The following PTPRM variants were observed in gnomAD, a reference collection of about 807,000 sequenced individuals.
PTPRM encodes protein tyrosine phosphatase receptor type M.
Under a neutral mutation model 186.7 loss-of-function variants are expected in PTPRM, and 47 were observed. That is an observed-to-expected ratio of 0.25 (90% CI 0.20 to 0.32). The LOEUF (loss-of-function observed/expected upper bound fraction) is 0.32. Ranked by LOEUF, PTPRM falls within the 10% of genes least tolerant of loss-of-function variation. The probability of loss-of-function intolerance (pLI) is 1.00; values close to 1 mark genes in which losing one functional copy is unlikely to be tolerated. For missense variants in PTPRM, 1,494 were observed against 1,865.0 expected, an observed-to-expected ratio of 0.80 and a Z score of 3.66; for synonymous variants, 668 against 674.9, an observed-to-expected ratio of 0.99 and a Z score of 0.16.
chr18:7,898,598 C>T (rs1291265224), intron 3 of PTPRM, among the ~76,000 whole-genome samples: 2 of 152,160 alleles, frequency 1.3e-5, no homozygotes, highest in Non-Finnish European at 1.5e-5. Flanking sequence ...CTGGTTTAAC[C>T]AGTTGTTTCC....
chr18:7,974,011 C>G (rs995776574), intron 7 of PTPRM, among the ~76,000 whole-genome samples: 55 of 150,998 alleles, frequency 3.6e-4, no homozygotes, highest in African/African-American at 1.3e-3. Context: ...GGCTGAGGAG[C>G]CTTCTGGGGA....
intron 2 of PTPRM, among the ~76,000 whole-genome samples, chr18:7,866,752 C>A (rs948852217): frequency 2.6e-5 from 4 of 152,148 alleles, no homozygotes; most frequent in African/African-American, 9.7e-5. Context: ...TGTTAATTTT[C>A]TTTCTAGTTG....
intron 1 of PTPRM, among the ~76,000 whole-genome samples, chr18:7,681,584 T>TCA (rs2039481552): frequency 6.7e-6 from 1 of 150,256 alleles, no homozygotes; most frequent in Non-Finnish European, 1.5e-5. Context: ...GTTAGATTCC[T>TCA]TAAAAAAAAA....
At chr18:8,163,575 C>A (rs766944560) in intron 14 of PTPRM, among the ~76,000 whole-genome samples, 2 of 152,134 alleles carry the variant, frequency 1.3e-5, no homozygotes, top group African/African-American at 4.8e-5. Context: ...ATGTTCTTAT[C>A]CTGTGTACCT....
intron 2 of PTPRM, among the ~76,000 whole-genome samples, chr18:7,812,131 G>A (rs1193231846): frequency 2.0e-5 from 3 of 152,162 alleles, no homozygotes; most frequent in Non-Finnish European, 2.9e-5. Context: ...CTTTATCTCT[G>A]TGATAACAAT....
At chr18:7,634,133 A>T (rs1012861869) in intron 1 of PTPRM, among the ~76,000 whole-genome samples, 1 of 152,068 alleles carries the variant, frequency 6.6e-6, no homozygotes, top group Non-Finnish European at 1.5e-5. Context: ...ACACTCAAGC[A>T]TATGTCCTCC....
intron 1 of PTPRM, among the ~76,000 whole-genome samples, chr18:7,717,784 G>A (rs867924387): frequency 2.4e-4 from 37 of 152,314 alleles, no homozygotes; most frequent in Middle Eastern, 3.4e-3. Flanking sequence ...CATCTAGCTG[G>A]TTCCAGCACC....
intron 1 of PTPRM, among the ~76,000 whole-genome samples, chr18:7,743,786 T>C (rs979444913): frequency 2.0e-5 from 3 of 152,214 alleles, no homozygotes; most frequent in Non-Finnish European, 4.4e-5. Flanking sequence ...TGCTTGTTCC[T>C]TAAACTGTAG....
chr18:8,263,510 G>A (rs1198793197), intron 19 of PTPRM, among the ~76,000 whole-genome samples: 9 of 152,172 alleles, frequency 5.9e-5, no homozygotes, highest in Admixed American at 3.9e-4. Flanking sequence ...CTGACACTGA[G>A]CTCTTAAAAC....
intron 1 of PTPRM, among the ~76,000 whole-genome samples, chr18:7,675,718 T>A (rs879205788): frequency 6.6e-6 from 1 of 150,380 alleles, no homozygotes; most frequent in Non-Finnish European, 1.5e-5. Context: ...GGGAAATTTT[T>A]GTTTGCTTTT....
chr18:8,269,781 G>A (rs2147609290), intron 19 of PTPRM, among the ~76,000 whole-genome samples: 1 of 152,024 alleles, frequency 6.6e-6, no homozygotes, highest in East Asian at 1.9e-4. Context: ...ATACACGATG[G>A]GGAAAGGATA....
At chr18:8,199,437 A>G (rs1174117935) in intron 14 of PTPRM, among the ~76,000 whole-genome samples, 1 of 152,200 alleles carries the variant, frequency 6.6e-6, no homozygotes, top group East Asian at 1.9e-4. Context: ...GCAAAAGGAT[A>G]GTGCGCTGTG....
chr18:8,393,276 T>C (rs767097310), intron 31 of PTPRM, among the ~76,000 whole-genome samples: 50 of 152,304 alleles, frequency 3.3e-4, no homozygotes, highest in Non-Finnish European at 5.4e-4. Flanking sequence ...TGCACGGCCT[T>C]GTTTCCAGTC....
intron 6 of PTPRM, among the ~76,000 whole-genome samples, chr18:7,950,748 AG>A (rs1463372906): frequency 6.6e-6 from 1 of 152,212 alleles, no homozygotes; most frequent in Admixed American, 6.5e-5. Context: ...CCAGTCTGTC[AG>A]TGGTCTTCAC....
intron 20 of PTPRM, among the ~76,000 whole-genome samples, chr18:8,304,376 A>C (rs569972702): frequency 6.6e-6 from 1 of 152,166 alleles, no homozygotes; most frequent in African/African-American, 2.4e-5. Context: ...ACGGGGGGAA[A>C]ACCTCAGCGG....
rs1341828278 is a variant in PTPRM, at chr18:7,668,291, ATGG to A, written c.73+100405_73+100407del. Among the ~76,000 whole-genome samples the A allele has an allele frequency of 6.6e-6, 1 of 152,092 alleles. No individual in the cohort carries two copies. Among genetic ancestry groups the A allele is most frequent in the Non-Finnish European group, 1.5e-5 (1 of 68,008 alleles). The stretch of plus-strand genomic sequence containing the variant: ...AGTGCCACCATTTTGGGTCCTGGTA[ATGG>A]TGGTTTTCCCCACTTCTGTCACTTA... On this transcript the variant is annotated intron_variant, in intron 1 of 32. Coordinates refer to ENST00000580170, the MANE Select transcript of PTPRM (RefSeq NM_001105244.2). This position sits in a 1 kb window ranked among gnomAD's most constrained non-coding sequence, Gnocchi z 4.7.
At chr18:8,122,477 G>A (rs1341908863) in intron 13 of PTPRM, among the ~76,000 whole-genome samples, 1 of 152,104 alleles carries the variant, frequency 6.6e-6, no homozygotes, top group Admixed American at 6.5e-5. Flanking sequence ...GACATGCTTG[G>A]CCTCTTCTGT....
At chr18:8,305,481 G>T (rs1190154669) in intron 20 of PTPRM, among the ~76,000 whole-genome samples, 1 of 152,178 alleles carries the variant, frequency 6.6e-6, no homozygotes, top group African/African-American at 2.4e-5. Flanking sequence ...AATATAGGCA[G>T]TATTGTTATT....
In PTPRM at chr18:7,888,112, T is replaced by G. The variant is rs1301519243; in HGVS notation, c.203T>G (p.Phe68Cys). 1 of 1,614,178 alleles carries G rather than the reference T, an allele frequency of 6.2e-7. No homozygotes were observed. The highest frequency in any genetic ancestry group is 2.2e-5 in the East Asian group (1 of 44,884). The change falls in exon 3 of 33, where the codon TTC (phenylalanine) becomes TGC (cysteine). Residue 68 changes from phenylalanine (F) to cysteine (C), a missense_variant. By Grantham distance (205) the Phe-to-Cys change is radical (BLOSUM62 -2). Transcript: ENST00000580170. The stretch of plus-strand genomic sequence containing the variant: ...CTTGATTTTGTTTTTGCAGGTTCTT[T>G]CATGCTGGTGAATGCCTCTGGGAGA... ...TSDPWMPSGS[F>C]MLVNASGRPE...
Sources: allele counts gnomAD v4.1 joint callset (sites outside exome capture counted in the v4.1 genomes callset), GRCh38; gene constraint gnomAD v4.1.1; non-coding constraint Gnocchi (gnomAD v3.1); transcripts MANE v1.5; gene names NCBI Gene and HGNC (gene_info 2026-07-23, HGNC 2026-07-21).